PDE7B: variants seen among roughly 807,000 people sequenced by gnomAD.
PDE7B encodes the protein 3',5'-cyclic-AMP phosphodiesterase 7B.
A neutral mutation model predicts 56.2 loss-of-function variants in PDE7B; 29 were observed. The ratio of observed to expected loss-of-function variants is 0.52; its 90% CI spans 0.38 to 0.70. The LOEUF (loss-of-function observed/expected upper bound fraction) is 0.70. Among genes scored for constraint, PDE7B ranks in the 30% least tolerant of loss-of-function variants. PDE7B has a pLI of 0.00. For missense variants in PDE7B, 490 were observed against 565.0 expected (o/e 0.87, Z 1.35); for synonymous variants, 197 against 196.9 (o/e 1.00, Z 0.00).
At chr6:136,165,184 G>T (rs1778773664) in intron 8 of PDE7B, among the ~76,000 whole-genome samples, 1 of 152,148 alleles carries the variant, frequency 6.6e-6, no homozygotes, top group Admixed American at 6.5e-5. Context: ...GGGTGTAGAA[G>T]GTCTGGAAGA....
chr6:136,173,352 A>G (rs1293580247), intron 8 of PDE7B, among the ~76,000 whole-genome samples: 1 of 152,152 alleles, frequency 6.6e-6, no homozygotes, highest in Non-Finnish European at 1.5e-5. Flanking sequence ...AACGCCACAT[A>G]TCTACAACTA....
intron 2 of PDE7B, 126 bp downstream of exon 2, chr6:135,947,650 C>T (rs1774616769): frequency 1.4e-6 from 1 of 693,056 alleles, no homozygotes; most frequent in Non-Finnish European, 2.6e-6. Context: ...TGTGGTTATG[C>T]AGACAGCTAT....
At chr6:136,102,216 T>C (rs1777574457) in intron 2 of PDE7B, among the ~76,000 whole-genome samples, 1 of 144,390 alleles carries the variant, frequency 6.9e-6, no homozygotes, top group Non-Finnish European at 1.5e-5. Context: ...TTCAAACAGA[T>C]CCTGACATTT....
intron 1 of PDE7B, among the ~76,000 whole-genome samples, chr6:135,899,577 T>C (rs1775963812): frequency 1.3e-5 from 2 of 151,924 alleles, no homozygotes; most frequent in Admixed American, 6.6e-5. Context: ...AAAATGTGTG[T>C]CTTTTTCCAT....
At chr6:136,108,626 T>C in intron 2 of PDE7B, 105 bp from the exon 3 acceptor site, 1 of 776,120 alleles carries the variant, frequency 1.3e-6, no homozygotes. Context: ...ATGGGAACCA[T>C]TTTTCTCCTG....
chr6:136,131,376 C>A (rs1435285552), intron 3 of PDE7B, among the ~76,000 whole-genome samples: 1 of 151,948 alleles, frequency 6.6e-6, no homozygotes, highest in Admixed American at 6.6e-5. Flanking sequence ...TTGGATTATG[C>A]CCTGACACCA....
At chr6:136,121,084 T>C (rs1032698644) in intron 3 of PDE7B, among the ~76,000 whole-genome samples, 2 of 152,220 alleles carry the variant, frequency 1.3e-5, no homozygotes, top group African/African-American at 4.8e-5. Flanking sequence ...AAGTTTTCCC[T>C]GTCCCTCGGT....
In PDE7B at chr6:135,898,658, C is replaced by T. The variant is rs1295514361; in HGVS notation, c.21+46639C>T. The stretch of plus-strand genomic sequence containing the variant: ...TTCTTTAAAAAATACAGACATTGAA[C>T]CAAAATTTTCTATAAAGCGTAAATA... On this transcript the variant is annotated intron_variant, in intron 1 of 12. Coordinates refer to ENST00000308191, the MANE Select transcript of PDE7B (RefSeq NM_018945.4). 2.0e-5 allele frequency among the ~76,000 whole-genome samples: 3 copies of T among 152,072 alleles called. No homozygotes were observed. In the South Asian group the frequency reaches 6.2e-4, roughly 32 times the overall value.
chr6:136,013,497 G>A (rs1218566099), intron 2 of PDE7B, among the ~76,000 whole-genome samples: 1 of 152,252 alleles, frequency 6.6e-6, no homozygotes, highest in Non-Finnish European at 1.5e-5. Context: ...TCAGGCCAGA[G>A]GTGGTGGACA....
At chr6:136,139,643 CTTT>C (rs1405832517) in intron 3 of PDE7B, among the ~76,000 whole-genome samples, 1 of 152,172 alleles carries the variant, frequency 6.6e-6, no homozygotes, top group Non-Finnish European at 1.5e-5. Context: ...TGTTTCCTGA[CTTT>C]TTAACTATCG....
chr6:136,000,267 G>C (rs946683926), intron 2 of PDE7B, among the ~76,000 whole-genome samples: 1 of 152,104 alleles, frequency 6.6e-6, no homozygotes, highest in African/African-American at 2.4e-5. Flanking sequence ...GATCCCATTT[G>C]TCAATTTTTG....
At chr6:135,936,022 G>C (rs905215216) in intron 1 of PDE7B, among the ~76,000 whole-genome samples, 9 of 152,178 alleles carry the variant, frequency 5.9e-5, no homozygotes. Flanking sequence ...TTCGTTTGTG[G>C]CTCAGAGGCT....
intron 4 of PDE7B, among the ~76,000 whole-genome samples, chr6:136,148,519 A>G (rs1778459115): frequency 6.6e-6 from 1 of 151,070 alleles, no homozygotes; most frequent in South Asian, 2.1e-4. Flanking sequence ...TGCCGTTAGA[A>G]AATGAACAGC....
chr6:135,990,529 T>G (rs1366291130), intron 2 of PDE7B, among the ~76,000 whole-genome samples: 1 of 152,224 alleles, frequency 6.6e-6, no homozygotes, highest in African/African-American at 2.4e-5. Flanking sequence ...CCAACAGCTC[T>G]TGAAACAGAA....
At chr6:136,014,540 G>T (rs1775943694) in intron 2 of PDE7B, among the ~76,000 whole-genome samples, 1 of 152,076 alleles carries the variant, frequency 6.6e-6, no homozygotes, top group South Asian at 2.1e-4. Context: ...GCTGTAAGCT[G>T]GTTATATTTC....
intron 2 of PDE7B, among the ~76,000 whole-genome samples, chr6:135,950,931 T>C (rs988840553): frequency 2.0e-5 from 3 of 152,172 alleles, no homozygotes; most frequent in Non-Finnish European, 4.4e-5. Context: ...TGCGCCGGAT[T>C]CAATGCAGCT....
intron 1 of PDE7B, among the ~76,000 whole-genome samples, chr6:135,881,732 A>G (rs891719546): frequency 2.0e-5 from 3 of 152,182 alleles, no homozygotes; most frequent in Non-Finnish European, 2.9e-5. Flanking sequence ...AGTCACTAAC[A>G]TCTCTCTAGA....
intron 2 of PDE7B, among the ~76,000 whole-genome samples, chr6:136,041,251 TCAA>T (rs1172700000): frequency 6.6e-6 from 1 of 152,180 alleles, no homozygotes; most frequent in African/African-American, 2.4e-5. Flanking sequence ...GCACCCTTCT[TCAA>T]CAAGACTGGA....
intron 2 of PDE7B, among the ~76,000 whole-genome samples, chr6:136,022,475 G>T (rs903266738): frequency 6.6e-6 from 1 of 152,176 alleles, no homozygotes; most frequent in Admixed American, 6.5e-5. Flanking sequence ...ATAAATATTT[G>T]TCATCTAGGG....
Sources: allele counts gnomAD v4.1 joint callset (sites outside exome capture counted in the v4.1 genomes callset), GRCh38; gene constraint gnomAD v4.1.1; transcripts MANE v1.5; gene names NCBI Gene and HGNC (gene_info 2026-07-23, HGNC 2026-07-21).